OR51E1: variants seen among roughly 807,000 people sequenced by gnomAD.
OR51E1 encodes olfactory receptor 51E1.
In OR51E1, 9 loss-of-function variants were observed where a neutral mutation model predicts 11.5. The observed-to-expected ratio is 0.78, with a 90% CI of 0.47 to 1.37. The LOEUF (loss-of-function observed/expected upper bound fraction) is 1.37. Ranked by LOEUF, OR51E1 falls within the 40% of genes most tolerant of loss-of-function variation. OR51E1 has a pLI of 0.00. For missense variants in OR51E1, 397 were observed against 410.2 expected, an observed-to-expected ratio of 0.97 and a Z score of 0.28; for synonymous variants, 168 against 158.3, an observed-to-expected ratio of 1.06 and a Z score of -0.46.
In OR51E1 at chr11:4,655,445, G is replaced by T. The variant is rs1192467367; in HGVS notation, c.*1962G>T. ...CCACTTGTATTTGTACGAGGCAGTT[G>T]GATAAGTGAAAAATAAAGTACTATT... On this transcript the variant is annotated 3_prime_UTR_variant, in exon 2 of 2. Coordinates refer to ENST00000396952, the MANE Select transcript of OR51E1 (RefSeq NM_152430.4). 6.0e-6 allele frequency: 1 copy of T among 166,122 alleles called. No individual in the cohort carries two copies. Among genetic ancestry groups the T allele is most frequent in the Non-Finnish European group, 1.5e-5 (1 of 68,094 alleles). The allele number at this position is 166,122 out of a possible 1,614,324, so 10.3% of individuals were successfully genotyped here.
rs1589863095 is a variant in OR51E1, at chr11:4,653,790, G to T, written c.*307G>T. 4.0e-6 allele frequency: 1 copy of T among 252,268 alleles called. No individual in the cohort carries two copies. The highest frequency in any genetic ancestry group is 8.9e-5 in the East Asian group (1 of 11,182). The allele number at this position is 252,268 out of a possible 1,614,324, so 15.6% of individuals were successfully genotyped here. A position where few individuals can be genotyped will look rare whatever the true frequency, so the allele number is the denominator to read the frequency against. On this transcript the variant is annotated 3_prime_UTR_variant, in exon 2 of 2. Coordinates refer to ENST00000396952, the MANE Select transcript of OR51E1 (RefSeq NM_152430.4). ...TTTACAGCATTCTGAGATAAGAATG[G>T]TACATCTAGAGAACATTTGCCAAAG...
chr11:4,645,476 G>T (rs890968144), intron 1 of OR51E1, among the ~76,000 whole-genome samples: 1 of 152,160 alleles, frequency 6.6e-6, no homozygotes, highest in African/African-American at 2.4e-5. Flanking sequence ...ATCATAATGT[G>T]CTGTGATGGC....
In OR51E1 at chr11:4,654,897, T is replaced by C. The variant is rs1847150706; in HGVS notation, c.*1414T>C. On this transcript the variant is annotated 3_prime_UTR_variant, in exon 2 of 2. Transcript: ENST00000396952. ...ATCATATATGTGGTAAGTTTCATTT[T>C]CTTTTTCAATCCTCAGGTTCCCTGA... 3 of 167,136 alleles carry C rather than the reference T, an allele frequency of 1.8e-5. No homozygotes were observed. Among genetic ancestry groups the C allele is most frequent in the African/African-American group, 4.8e-5 (2 of 41,480 alleles). The allele number at this position is 167,136 out of a possible 1,614,324, so 10.4% of individuals were successfully genotyped here.
Position 4,653,626 on chromosome 11 carries a change from A to T in OR51E1, c.*143A>T, listed in dbSNP as rs1188103288. On this transcript the variant is annotated 3_prime_UTR_variant, in exon 2 of 2. Coordinates refer to ENST00000396952, the MANE Select transcript of OR51E1 (RefSeq NM_152430.4). ...CTTCAAATATGAAACTGGTTGGGGA[A>T]TCTCCATTTTTTCAATATTATTTTC... 1.1e-5 allele frequency: 6 copies of T among 562,268 alleles called. No homozygotes were observed. Among genetic ancestry groups the T allele is most frequent in the Admixed American group, 3.5e-5 (1 of 28,570 alleles). The allele number at this position is 562,268 out of a possible 1,614,324, so 34.8% of individuals were successfully genotyped here. A position where few individuals can be genotyped will look rare whatever the true frequency, so the allele number is the denominator to read the frequency against.
Position 4,652,801 on chromosome 11 carries a change from C to T in OR51E1, c.275C>T (p.Ser92Phe). 6.2e-7 allele frequency: 1 copy of T among 1,614,212 alleles called. No homozygotes were observed. The highest frequency in any genetic ancestry group is 2.2e-5 in the East Asian group (1 of 44,886). Residue 92 changes from serine (S) to phenylalanine (F), a missense_variant, in exon 2 of 2, where the codon TCC becomes TTC. By Grantham distance (155) the Ser-to-Phe change is radical. Coordinates refer to ENST00000396952, the MANE Select transcript of OR51E1 (RefSeq NM_152430.4). ...PKMLAIFWFN[S>F]TTIQFDACLL... ...ATGCTGGCCATCTTCTGGTTCAATT[C>T]CACTACCATCCAGTTTGATGCTTGT...
chr11:4,644,998 C>T (rs1847010930), intron 1 of OR51E1, among the ~76,000 whole-genome samples: 1 of 152,160 alleles, frequency 6.6e-6, no homozygotes, highest in African/African-American at 2.4e-5. Context: ...TTGGAATGCA[C>T]TTTCCCTGGA....
chr11:4,651,044 AAGGG>A (rs1043446821), intron 1 of OR51E1, among the ~76,000 whole-genome samples: 9 of 152,016 alleles, frequency 5.9e-5, no homozygotes, highest in Non-Finnish European at 1.2e-4. Context: ...GGAGGAAAGA[AAGGG>A]AGGGAGGGAG....
intron 1 of OR51E1, among the ~76,000 whole-genome samples, chr11:4,652,018 T>C (rs1393805325): frequency 3.3e-5 from 5 of 152,232 alleles, no homozygotes; most frequent in African/African-American, 1.2e-4. Flanking sequence ...TAGGTTTCAG[T>C]ATTAATCTGT....
At chr11:4,645,569 C>T (rs368674502) in intron 1 of OR51E1, among the ~76,000 whole-genome samples, 3 of 152,144 alleles carry the variant, frequency 2.0e-5, no homozygotes, top group Admixed American at 6.5e-5. Flanking sequence ...CACAGAAGTC[C>T]GTCAATGATT....
At position 4,652,577 on chromosome 11, in the gene OR51E1, A is replaced by T; in HGVS notation, c.51A>T (p.Leu17=). 6.2e-7 allele frequency: 1 copy of T among 1,614,172 alleles called. No homozygotes were observed. The highest frequency in any genetic ancestry group is 8.5e-7 in the Non-Finnish European group (1 of 1,179,998). ...GNESSATYFI[L]IGLPGLEEAQ... ...AATCCAGTGCTACATACTTCATCCT[A>T]ATAGGCCTCCCTGGTTTAGAAGAGG... is the stretch of plus-strand genomic sequence containing the variant. The change falls in exon 2 of 2, where the codon CTA becomes CTT. Residue 17 remains leucine (L), a synonymous_variant. Coordinates refer to ENST00000396952, the MANE Select transcript of OR51E1 (RefSeq NM_152430.4).
intron 1 of OR51E1, among the ~76,000 whole-genome samples, chr11:4,647,096 C>T (rs1269706248): frequency 1.3e-5 from 2 of 152,146 alleles, no homozygotes; most frequent in African/African-American, 4.8e-5. Context: ...CTTAAACTTT[C>T]CCTCCCAGCA....
intron 1 of OR51E1, among the ~76,000 whole-genome samples, chr11:4,645,998 C>A (rs1297710752): frequency 2.6e-5 from 4 of 152,138 alleles, no homozygotes; most frequent in African/African-American, 9.7e-5. Context: ...GGGGCTACTA[C>A]CCTCACTAAG....
intron 1 of OR51E1, among the ~76,000 whole-genome samples, chr11:4,648,062 G>A (rs576768872): frequency 2.6e-5 from 4 of 152,204 alleles, no homozygotes; most frequent in East Asian, 1.9e-4. Flanking sequence ...CAGTCTGAAC[G>A]GTGGCACTTG....
rs1242505377 is a variant in OR51E1, at chr11:4,653,555, C to T, written c.*72C>T. 2 of 971,608 alleles carry T rather than the reference C, an allele frequency of 2.1e-6. No individual in the cohort carries two copies. Among genetic ancestry groups the T allele is most frequent in the East Asian group, 2.5e-5 (1 of 40,730 alleles). The allele number at this position is 971,608 out of a possible 1,614,324, so 60.2% of individuals were successfully genotyped here. ...ATTTTAATGTTAACATTTTGGAAGA[C>T]AGTATTCAGAAAAAAAATTTCCTTA... On this transcript the variant is annotated 3_prime_UTR_variant, in exon 2 of 2. Coordinates refer to ENST00000396952, the MANE Select transcript of OR51E1 (RefSeq NM_152430.4).
At chr11:4,652,136 T>C (rs1218001036) in intron 1 of OR51E1, among the ~76,000 whole-genome samples, 1 of 152,184 alleles carries the variant, frequency 6.6e-6, no homozygotes, top group African/African-American at 2.4e-5. Flanking sequence ...AAAGGTAAGC[T>C]AGGATAGAGG....
chr11:4,650,234 T>C (rs1847077612), intron 1 of OR51E1, among the ~76,000 whole-genome samples: 1 of 152,060 alleles, frequency 6.6e-6, no homozygotes, highest in Non-Finnish European at 1.5e-5. Context: ...AGGAAGAGAA[T>C]ATAGAACAGG....
In OR51E1 at chr11:4,654,439, A is replaced by G. The variant is rs1298009305; in HGVS notation, c.*956A>G. On this transcript the variant is annotated 3_prime_UTR_variant, in exon 2 of 2. Transcript: ENST00000396952. ...GCTTATTGTCCTGGTCCAATTGCCAATTACCTGTGTCTTGGAAGAAGTGAT... is the reference window on the plus strand; with the variant it reads ...GCTTATTGTCCTGGTCCAATTGCCAGTTACCTGTGTCTTGGAAGAAGTGAT... 1 of 167,104 alleles carries G rather than the reference A, an allele frequency of 6.0e-6. No individual in the cohort carries two copies. The highest frequency in any genetic ancestry group is 1.5e-5 in the Non-Finnish European group (1 of 68,130). The allele number at this position is 167,104 out of a possible 1,614,324, so 10.4% of individuals were successfully genotyped here. A position where few individuals can be genotyped will look rare whatever the true frequency, so the allele number is the denominator to read the frequency against.
rs1847133741 is a variant in OR51E1, at chr11:4,653,596, A to G, written c.*113A>G. 1.6e-6 allele frequency: 1 copy of G among 611,474 alleles called. No individual in the cohort carries two copies. Among genetic ancestry groups the G allele is most frequent in the African/African-American group, 1.9e-5 (1 of 53,790 alleles). 37.9% of individuals were successfully genotyped at this position (611,474 alleles called of 1,614,324 possible). A position where few individuals can be genotyped will look rare whatever the true frequency, so the allele number is the denominator to read the frequency against. ...AATTTCCTTAATAAAAATACAACTC[A>G]GATCCTTCAAATATGAAACTGGTTG... On this transcript the variant is annotated 3_prime_UTR_variant, in exon 2 of 2. Transcript: ENST00000396952.
At chr11:4,651,510 C>T (rs1258061299) in intron 1 of OR51E1, among the ~76,000 whole-genome samples, 2 of 152,178 alleles carry the variant, frequency 1.3e-5, no homozygotes, top group African/African-American at 4.8e-5. Flanking sequence ...CCTTTGGTAC[C>T]CCTTATGTCA....
Sources: allele counts gnomAD v4.1 joint callset (sites outside exome capture counted in the v4.1 genomes callset), GRCh38; gene constraint gnomAD v4.1.1; transcripts MANE v1.5; gene names NCBI Gene and HGNC (gene_info 2026-07-23, HGNC 2026-07-21).